NT5DC1: variants seen among roughly 807,000 people sequenced by gnomAD.
NT5DC1 encodes the protein 5'-nucleotidase domain-containing protein 1.
In NT5DC1, 42 loss-of-function variants were observed where a neutral mutation model predicts 59.4. The ratio of observed to expected loss-of-function variants is 0.71; its 90% CI spans 0.55 to 0.92. NT5DC1 has a LOEUF of 0.92. NT5DC1 is among the 40% of genes least tolerant of loss of function. NT5DC1 has a pLI of 0.00. For synonymous variants in NT5DC1, 172 were observed against 188.1 expected (o/e 0.91, Z 0.70); for missense variants, 501 against 537.1 (o/e 0.93, Z 0.66).
At chr6:116,138,713 T>C (rs1403316103) in intron 6 of NT5DC1, among the ~76,000 whole-genome samples, 1 of 152,296 alleles carries the variant, frequency 6.6e-6, no homozygotes, top group Non-Finnish European at 1.5e-5. Flanking sequence ...ATTACTAATA[T>C]ATGAATCCTT....
intron 6 of NT5DC1, among the ~76,000 whole-genome samples, chr6:116,158,133 T>G (rs779164874): frequency 2.6e-5 from 4 of 152,212 alleles, no homozygotes; most frequent in Non-Finnish European, 5.9e-5. Flanking sequence ...ATATAATGAG[T>G]TCAAATTACT....
intron 6 of NT5DC1, among the ~76,000 whole-genome samples, chr6:116,145,879 A>G (rs1779886155): frequency 6.6e-6 from 1 of 152,188 alleles, no homozygotes. Flanking sequence ...TTTAACATTT[A>G]TGTGATGGTA....
intron 6 of NT5DC1, among the ~76,000 whole-genome samples, chr6:116,201,017 G>C (rs1261050617): frequency 6.6e-6 from 1 of 151,930 alleles, no homozygotes. Context: ...AAGGTACTAT[G>C]GTAGCACCCC....
chr6:116,230,369 T>C (rs1781995275), intron 8 of NT5DC1, among the ~76,000 whole-genome samples: 2 of 151,768 alleles, frequency 1.3e-5, no homozygotes, highest in South Asian at 2.1e-4. Flanking sequence ...TCCTTAACTC[T>C]ATCTCCATAA....
chr6:116,177,260 A>G (rs1051195397), intron 6 of NT5DC1, among the ~76,000 whole-genome samples: 1 of 152,218 alleles, frequency 6.6e-6, no homozygotes, highest in African/African-American at 2.4e-5. Context: ...TTGACTGTTT[A>G]TAACATTCAT....
intron 6 of NT5DC1, among the ~76,000 whole-genome samples, chr6:116,132,422 T>C (rs1223532701): frequency 1.3e-5 from 2 of 152,186 alleles, no homozygotes; most frequent in African/African-American, 4.8e-5. Context: ...TTCTGTGATA[T>C]AGTTTTCACA....
Position 116,106,346 on chromosome 6 carries a change from T to A in NT5DC1, c.185+11T>A. 2.9e-5 allele frequency: 15 copies of A among 513,066 alleles called. No individual in the cohort carries two copies. Among genetic ancestry groups the A allele is most frequent in the South Asian group, 7.6e-5 (2 of 26,414 alleles). 31.8% of individuals were successfully genotyped at this position (513,066 alleles called of 1,614,324 possible). ...GGATTGGGATTTCTGGTAAGTTCTT[T>A]TTTTTTTTTTTTTTTTAAGTCTGTA... On this transcript the variant is annotated intron_variant, in intron 2 of 11. Transcript: ENST00000319550.
chr6:116,110,800 G>C (rs767442912), intron 3 of NT5DC1, 50 bp from the exon 4 acceptor site: 1 of 1,217,822 alleles, frequency 8.2e-7, no homozygotes, highest in Non-Finnish European at 1.2e-6. Flanking sequence ...TAGAGGAAGG[G>C]GCATTCAAGG....
chr6:116,221,964 C>T (rs1055504916), intron 7 of NT5DC1, among the ~76,000 whole-genome samples: 4 of 152,188 alleles, frequency 2.6e-5, no homozygotes, highest in Non-Finnish European at 5.9e-5. Context: ...CTACCTGAGT[C>T]ATTAGGTCTC....
chr6:116,136,426 C>G (rs1779603581), intron 6 of NT5DC1, among the ~76,000 whole-genome samples: 1 of 151,736 alleles, frequency 6.6e-6, no homozygotes, highest in African/African-American at 2.4e-5. Flanking sequence ...AAAAACCATT[C>G]TTAGGTAGAT....
chr6:116,118,737 A>G (rs1779017907), intron 6 of NT5DC1, among the ~76,000 whole-genome samples: 1 of 152,226 alleles, frequency 6.6e-6, no homozygotes, highest in South Asian at 2.1e-4. Flanking sequence ...TCCCAGGAGA[A>G]AATTACAACT....
chr6:116,200,396 C>T (rs937485546), intron 6 of NT5DC1, among the ~76,000 whole-genome samples: 5 of 151,858 alleles, frequency 3.3e-5, no homozygotes, highest in Non-Finnish European at 7.4e-5. Context: ...GAAGTGAGGA[C>T]TTTAGTTAAT....
intron 4 of NT5DC1, among the ~76,000 whole-genome samples, chr6:116,112,070 C>G (rs1778887482): frequency 6.6e-6 from 1 of 152,226 alleles, no homozygotes; most frequent in African/African-American, 2.4e-5. Context: ...AGAGCATTCA[C>G]TCAGTAAGAC....
intron 6 of NT5DC1, among the ~76,000 whole-genome samples, chr6:116,188,905 A>G (rs145817016): frequency 1.7e-3 from 257 of 152,036 alleles, no homozygotes; most frequent in African/African-American, 6.0e-3. Context: ...TTTATTTATA[A>G]TTAAGCTTCA....
intron 6 of NT5DC1, among the ~76,000 whole-genome samples, chr6:116,131,913 A>G (rs1779476728): frequency 6.6e-6 from 1 of 152,150 alleles, no homozygotes; most frequent in East Asian, 1.9e-4. Context: ...CTTATAAGTG[A>G]GAACATGCAG....
At chr6:116,239,160 C>T in intron 11 of NT5DC1, 37 bp downstream of exon 11, 1 of 1,444,154 alleles carries the variant, frequency 6.9e-7, no homozygotes, top group Non-Finnish European at 9.6e-7. Flanking sequence ...TCACCTGTTA[C>T]TAGACAATAA....
At chr6:116,177,832 T>C (rs1305051821) in intron 6 of NT5DC1, among the ~76,000 whole-genome samples, 6 of 152,268 alleles carry the variant, frequency 3.9e-5, no homozygotes, top group Non-Finnish European at 7.4e-5. Context: ...CTGATAAGCT[T>C]TAGGTAACAG....
chr6:116,191,673 GC>G (rs1582864704), intron 6 of NT5DC1, among the ~76,000 whole-genome samples: 1 of 152,020 alleles, frequency 6.6e-6, no homozygotes, highest in East Asian at 1.9e-4. Flanking sequence ...AAAATCCATT[GC>G]TAAAAAGAGT....
At chr6:116,213,209 G>T (rs1781615371) in intron 6 of NT5DC1, among the ~76,000 whole-genome samples, 1 of 152,096 alleles carries the variant, frequency 6.6e-6, no homozygotes, top group Non-Finnish European at 1.5e-5. Flanking sequence ...GTTGCAGTCA[G>T]ATGTCAGTGG....
Sources: gnomAD v4.1 joint callset for allele counts (sites outside exome capture counted in the v4.1 genomes callset) on GRCh38, gnomAD v4.1.1 for gene constraint, MANE v1.5 for transcripts, NCBI Gene and HGNC (gene_info 2026-07-23, HGNC 2026-07-21) for gene names.